The following BLTP1 variants were observed in gnomAD, a reference collection of about 807,000 sequenced individuals.
BLTP1 encodes the protein fragile site-associated protein.
chr4:122,267,279 T>C, the BLTP1 span, among the ~76,000 whole-genome samples: 2 of 151,960 alleles, frequency 1.3e-5, no homozygotes, highest in African/African-American at 2.4e-5. Context: ...CAGGATGGTC[T>C]TGAACTCCTG....
At chr4:122,294,316 C>T in the BLTP1 span, among the ~76,000 whole-genome samples, 2 of 152,194 alleles carry the variant, frequency 1.3e-5, no homozygotes, top group East Asian at 3.9e-4. Flanking sequence ...ATGAGACCTC[C>T]CAACAGGGGT....
At chr4:122,254,078 A>G in the BLTP1 span, 1 of 923,230 alleles carries the variant, frequency 1.1e-6, no homozygotes, top group Admixed American at 2.5e-5. Flanking sequence ...AAGGAGAAGT[A>G]AAGACTTTCC....
the BLTP1 span, among the ~76,000 whole-genome samples, chr4:122,323,600 C>T: frequency 6.6e-6 from 1 of 151,974 alleles, no homozygotes; most frequent in African/African-American, 2.4e-5. Context: ...CACTTCTTAA[C>T]TCCCAGAGAA....
chr4:122,272,251 C>T, the BLTP1 span: 36 of 1,613,234 alleles, frequency 2.2e-5, no homozygotes, highest in African/African-American at 4.7e-4. Context: ...GGAAACGTAG[C>T]TTGGTAACTT....
the BLTP1 span, among the ~76,000 whole-genome samples, chr4:122,288,199 CATAGGACACAAATT>C: frequency 1.3e-5 from 2 of 152,026 alleles, no homozygotes; most frequent in African/African-American, 2.4e-5. Context: ...TTGTACTAAT[CATAGGACACAAATT>C]ATAGGACACA....
chr4:122,266,688 A>C, the BLTP1 span: 1 of 1,092,760 alleles, frequency 9.2e-7, no homozygotes, highest in Non-Finnish European at 1.3e-6. Context: ...GTACTGAGGT[A>C]GGGTAAGAAA....
chr4:122,308,885 G>A, the BLTP1 span, among the ~76,000 whole-genome samples: 7 of 152,084 alleles, frequency 4.6e-5, no homozygotes, highest in African/African-American at 1.7e-4. Context: ...ACTTCAGGTT[G>A]AGGATGGGTG....
At chr4:122,328,052 T>G in the BLTP1 span, 4 of 1,320,868 alleles carry the variant, frequency 3.0e-6, no homozygotes, top group Non-Finnish European at 4.0e-6. Flanking sequence ...ATATTTTTTC[T>G]TTTTTTAATT....
the BLTP1 span, among the ~76,000 whole-genome samples, chr4:122,304,338 A>C: frequency 6.6e-6 from 1 of 152,010 alleles, no homozygotes; most frequent in Admixed American, 6.5e-5. Context: ...CAGCCTACTG[A>C]GTAGCTGGGA....
the BLTP1 span, among the ~76,000 whole-genome samples, chr4:122,270,119 G>A: frequency 5.5e-4 from 84 of 152,056 alleles, no homozygotes; most frequent in East Asian, 0.013. Context: ...GGCATTGATT[G>A]TACACTTCCT....
the BLTP1 span, chr4:122,199,526 A>G: frequency 7.9e-7 from 1 of 1,263,992 alleles, no homozygotes; most frequent in African/African-American, 1.5e-5. Context: ...ATTAAGTTTA[A>G]GTAACCAGGA....
At chr4:122,228,312 G>A in the BLTP1 span, among the ~76,000 whole-genome samples, 1 of 152,110 alleles carries the variant, frequency 6.6e-6, no homozygotes, top group African/African-American at 2.4e-5. Flanking sequence ...GACAAATGCT[G>A]TATATACCTG....
At chr4:122,189,678 C>A in the BLTP1 span, 1 of 921,508 alleles carries the variant, frequency 1.1e-6, no homozygotes, top group Non-Finnish European at 1.3e-6. Context: ...CGATTTCTCT[C>A]ATTCAAAACT....
chr4:122,180,017 C>T, the BLTP1 span: 38 of 959,632 alleles, frequency 4.0e-5, no homozygotes, highest in African/African-American at 1.2e-4. Flanking sequence ...CTCATATACA[C>T]GTGCATGTAC....
At chr4:122,228,847 G>A in the BLTP1 span, among the ~76,000 whole-genome samples, 1 of 152,130 alleles carries the variant, frequency 6.6e-6, no homozygotes. Context: ...GTTTCAGTAA[G>A]AAATTGTCTA....
At chr4:122,331,063 T>C in the BLTP1 span, 1 of 966,100 alleles carries the variant, frequency 1.0e-6, no homozygotes, top group Non-Finnish European at 1.2e-6. Context: ...ACATACACAG[T>C]ATATTTTATA....
the BLTP1 span, among the ~76,000 whole-genome samples, chr4:122,188,612 T>G: frequency 0.029 from 4,365 of 152,226 alleles, 113 homozygotes; most frequent in East Asian, 0.14. Context: ...TTTCCATTTT[T>G]TTTTTTTTCC....
the BLTP1 span, chr4:122,247,498 T>C: frequency 1.9e-6 from 2 of 1,072,930 alleles, no homozygotes; most frequent in Non-Finnish European, 2.7e-6. Flanking sequence ...CTCCCTATAT[T>C]GAACACGTGG....
At chr4:122,320,725 A>G in the BLTP1 span, among the ~76,000 whole-genome samples, 2 of 152,094 alleles carry the variant, frequency 1.3e-5, no homozygotes, top group African/African-American at 4.8e-5. Context: ...GTAGCAACAC[A>G]TTGTCAGATC....
Sources: gnomAD v4.1 joint callset for allele counts (sites outside exome capture counted in the v4.1 genomes callset) on GRCh38, gnomAD v4.1.1 for gene constraint, MANE v1.5 for transcripts, NCBI Gene and HGNC (gene_info 2026-07-23, HGNC 2026-07-21) for gene names.